Variants in GPHN observed in about 807,000 individuals in gnomAD.
GPHN encodes the protein gephyrin.
A neutral mutation model predicts 95.5 loss-of-function variants in GPHN; 17 were observed. The ratio of observed to expected loss-of-function variants is 0.18; its 90% confidence interval spans 0.12 to 0.27. GPHN has a LOEUF of 0.27. Ranked by LOEUF, GPHN falls within the 10% of genes least tolerant of loss-of-function variation. The probability of loss-of-function intolerance (pLI) is 1.00; values close to 1 mark genes in which losing one functional copy is unlikely to be tolerated. For synonymous variants in GPHN, 320 were observed against 322.5 expected (o/e 0.99, Z 0.08); for missense variants, 660 against 978.1 (o/e 0.67, Z 4.34).
At chr14:67,289,863 T>C in the GPHN span, among the ~76,000 whole-genome samples, 1 of 149,328 alleles carries the variant, frequency 6.7e-6, no homozygotes, top group Non-Finnish European at 1.5e-5. Context: ...CTCTGCCTCC[T>C]GGGTTCACGC....
the GPHN span, among the ~76,000 whole-genome samples, chr14:67,708,629 G>C: frequency 6.6e-6 from 1 of 151,960 alleles, no homozygotes. Context: ...CAAAATTACA[G>C]GAGTTTCCCA....
chr14:66,872,590 ACTTAT>A (rs1214406523), intron 4 of GPHN, among the ~76,000 whole-genome samples: 4 of 152,126 alleles, frequency 2.6e-5, no homozygotes, highest in African/African-American at 7.2e-5. Context: ...ATTTAACTGT[ACTTAT>A]CTTAAGAATG....
the GPHN span, among the ~76,000 whole-genome samples, chr14:67,438,101 C>A: frequency 1.3e-5 from 2 of 152,162 alleles, no homozygotes; most frequent in Non-Finnish European, 2.9e-5. Context: ...CCCTCCCAAT[C>A]ATCTCCCCAA....
chr14:66,762,163 A>G (rs1349623112), intron 2 of GPHN, among the ~76,000 whole-genome samples: 3 of 152,054 alleles, frequency 2.0e-5, no homozygotes, highest in Non-Finnish European at 4.4e-5. Context: ...TTACAATGGA[A>G]TTTTACTAGT....
chr14:67,163,474 T>C (rs2082081030), intron 19 of GPHN, among the ~76,000 whole-genome samples: 1 of 150,478 alleles, frequency 6.6e-6, no homozygotes, highest in Admixed American at 6.6e-5. Flanking sequence ...AAAAAAAAAA[T>C]TGGGAAGGAA....
the GPHN span, among the ~76,000 whole-genome samples, chr14:67,629,498 A>G: frequency 6.6e-6 from 1 of 152,248 alleles, no homozygotes; most frequent in African/African-American, 2.4e-5. Flanking sequence ...ATAAAAACAA[A>G]GTGGAATATC....
At chr14:66,740,460 T>G (rs1283924250) in intron 2 of GPHN, among the ~76,000 whole-genome samples, 1 of 152,054 alleles carries the variant, frequency 6.6e-6, no homozygotes, top group Non-Finnish European at 1.5e-5. Context: ...AGCTTACTTC[T>G]GAATACTAGG....
chr14:67,122,251 T>G lies in GPHN; in HGVS notation c.1627-5T>G. ...ATAATTTGTGGTGGTTTTTTGGCTT[T>G]GTAGCTGCTAAATCCTGAAGATGAC... On this transcript the variant is annotated splice_region_variant and splice_polypyrimidine_tract_variant and intron_variant, in intron 16 of 22. Coordinates refer to ENST00000478722, the MANE Select transcript of GPHN (RefSeq NM_020806.5). 6.2e-7 allele frequency: 1 copy of G among 1,613,578 alleles called. No individual in the cohort carries two copies. Among genetic ancestry groups the G allele is most frequent in the Non-Finnish European group, 8.5e-7 (1 of 1,179,534 alleles).
chr14:66,668,883 T>C (rs1395644082), intron 1 of GPHN, among the ~76,000 whole-genome samples: 1 of 151,552 alleles, frequency 6.6e-6, no homozygotes, highest in East Asian at 2.0e-4. Context: ...GCTGTTTTTT[T>C]TTTTTTTCTT....
rs573966799 is a variant in GPHN, at chr14:67,000,663, A to G, written c.964-22970A>G. On this transcript the variant is annotated intron_variant, in intron 9 of 22. Coordinates refer to ENST00000478722, the MANE Select transcript of GPHN (RefSeq NM_020806.5). ...GAAAACACTACAACTGCTGCTATTA[A>G]AATTTATTGATTCCTACCTCACTTT... Among the ~76,000 whole-genome samples the G allele has an allele frequency of 4.6e-5, 7 of 151,768 alleles. No homozygotes were observed. The South Asian group carries it at 1.5e-3, about 31-fold the overall frequency.
chr14:66,576,755 TATG>T (rs1440254781), intron 1 of GPHN, among the ~76,000 whole-genome samples: 2 of 152,174 alleles, frequency 1.3e-5, no homozygotes, highest in Non-Finnish European at 2.9e-5. Flanking sequence ...TCAAGACTAT[TATG>T]ATTAAGAGTA....
chr14:67,710,515 T>C, the GPHN span, among the ~76,000 whole-genome samples: 2 of 152,206 alleles, frequency 1.3e-5, no homozygotes, highest in East Asian at 3.8e-4. Flanking sequence ...TAACCAGTCA[T>C]GTCATTTTAC....
chr14:67,557,443 A>C, the GPHN span: 1 of 1,607,052 alleles, frequency 6.2e-7, no homozygotes, highest in South Asian at 1.1e-5. Context: ...GCAAGGGAGC[A>C]CCATGCCCTC....
the GPHN span, chr14:67,569,866 C>T: frequency 1.7e-6 from 2 of 1,145,016 alleles, no homozygotes; most frequent in Non-Finnish European, 1.3e-6. Flanking sequence ...GCTTCCCCCA[C>T]ACCCCTTCCT....
chr14:67,005,958 C>G (rs2072577378), intron 9 of GPHN, among the ~76,000 whole-genome samples: 1 of 150,762 alleles, frequency 6.6e-6, no homozygotes, highest in Non-Finnish European at 1.5e-5. Flanking sequence ...TATTGGTACT[C>G]AAGTGTTTTG....
chr14:66,719,552 C>T (rs576807498), intron 2 of GPHN, among the ~76,000 whole-genome samples: 1 of 152,202 alleles, frequency 6.6e-6, no homozygotes, highest in Non-Finnish European at 1.5e-5. Context: ...TCTCGGGTTT[C>T]CTGATTTATT....
At chr14:66,597,078 T>C (rs945666501) in intron 1 of GPHN, among the ~76,000 whole-genome samples, 1 of 152,192 alleles carries the variant, frequency 6.6e-6, no homozygotes, top group Non-Finnish European at 1.5e-5. Context: ...AAATGGCAGT[T>C]ATGTCTTCTT....
chr14:67,648,396 GTAA>G, the GPHN span: 2 of 408,374 alleles, frequency 4.9e-6, no homozygotes, highest in Non-Finnish European at 8.6e-6. Context: ...TTACACTAAG[GTAA>G]TAATGAGTAA....
chr14:66,521,471 A>G (rs567432620), intron 1 of GPHN, among the ~76,000 whole-genome samples: 1 of 152,288 alleles, frequency 6.6e-6, no homozygotes, highest in African/African-American at 2.4e-5. Flanking sequence ...GGGCTGCTAT[A>G]GCAAAATACT....
Sources: allele counts gnomAD v4.1 joint callset (sites outside exome capture counted in the v4.1 genomes callset), GRCh38; gene constraint gnomAD v4.1.1; transcripts MANE v1.5; gene names NCBI Gene and HGNC (gene_info 2026-07-23, HGNC 2026-07-21).